Variants in DENND4A observed in about 807,000 individuals in gnomAD.
The protein encoded by DENND4A is DENN domain containing 4A, also known as C-myc promoter-binding protein.
A neutral mutation model predicts 199.3 loss-of-function variants in DENND4A; 70 were observed. The ratio of observed to expected loss-of-function variants is 0.35; its 90% CI spans 0.29 to 0.43. DENND4A has a LOEUF of 0.43. DENND4A is among the 20% of genes least tolerant of loss of function. The pLI is 1.00. For synonymous variants in DENND4A, 686 were observed against 766.9 expected (o/e 0.89, Z 1.74); for missense variants, 1,723 against 2,255.8 (o/e 0.76, Z 4.78).
At chr15:65,715,446 A>C in intron 14 of DENND4A, 32 bp downstream of exon 14, 1 of 1,570,450 alleles carries the variant, frequency 6.4e-7, no homozygotes, top group Non-Finnish European at 8.6e-7. Flanking sequence ...ACACAAAATA[A>C]GTTAGGGCAT....
chr15:65,738,413 T>C (rs751715987), intron 6 of DENND4A, among the ~76,000 whole-genome samples: 1 of 150,190 alleles, frequency 6.7e-6, no homozygotes, highest in African/African-American at 2.5e-5. Context: ...AATTGCATTA[T>C]ATATTTAATA....
intron 15 of DENND4A, among the ~76,000 whole-genome samples, chr15:65,704,071 G>A (rs1217204396): frequency 6.6e-6 from 1 of 152,132 alleles, no homozygotes; most frequent in Non-Finnish European, 1.5e-5. Context: ...TATTAGTAAT[G>A]ATTCAATGTT....
At chr15:65,766,541 C>T (rs1039136741) in intron 1 of DENND4A, 1 of 152,074 alleles carries the variant, frequency 6.6e-6, no homozygotes, top group East Asian at 1.9e-4. Flanking sequence ...TTGTGGGACA[C>T]GAAAGCTGCA....
At chr15:65,709,376 A>G (rs1331120170) in intron 14 of DENND4A, among the ~76,000 whole-genome samples, 1 of 152,166 alleles carries the variant, frequency 6.6e-6, no homozygotes, top group East Asian at 1.9e-4. Context: ...CAGGGATACA[A>G]TTAACCTCTG....
intron 1 of DENND4A, among the ~76,000 whole-genome samples, chr15:65,775,187 AT>A (rs201967237): frequency 0.035 from 5,257 of 152,054 alleles, 144 homozygotes; most frequent in Middle Eastern, 0.071. Flanking sequence ...CTACAAAAAA[AT>A]TTTTTTAATT....
intron 5 of DENND4A, among the ~76,000 whole-genome samples, chr15:65,739,692 T>C (rs935955027): frequency 9.2e-5 from 14 of 152,156 alleles, no homozygotes; most frequent in Non-Finnish European, 1.8e-4. Flanking sequence ...TTTGGACAAA[T>C]GACATACTAC....
At chr15:65,701,013 TA>T in intron 19 of DENND4A, 37 bp downstream of exon 19, 1 of 1,559,582 alleles carries the variant, frequency 6.4e-7, no homozygotes. Context: ...GCTAATCAAT[TA>T]ATTTTGAAGA....
Position 65,664,617 on chromosome 15 carries a change from C to T in DENND4A, c.5465G>A (p.Gly1822Glu). ...TGTCTCTAAAATCTGACTCATTGGT[C>T]CATAGACATCATTCATTTTAATGCT... Reference protein sequence around the residue: ...VKSIKMNDVYGPMSQILETLN... With the variant: ...VKSIKMNDVYEPMSQILETLN... Residue 1822 changes from glycine (G) to glutamate (E), a missense_variant, in exon 31 of 33, where the codon GGA becomes GAA. Gly to Glu is a moderately conservative substitution (Grantham distance 98, BLOSUM62 -2). This residue lies in a region of DENND4A where 164 missense variants were observed against 280.1 expected (regional missense o/e 0.59). Transcript: ENST00000443035. 3.1e-6 allele frequency: 5 copies of T among 1,612,914 alleles called. No individual in the cohort carries two copies. The highest frequency in any genetic ancestry group is 4.2e-6 in the Non-Finnish European group (5 of 1,179,198).
At chr15:65,750,729 C>CT (rs563776511) in intron 4 of DENND4A, among the ~76,000 whole-genome samples, 106 of 145,194 alleles carry the variant, frequency 7.3e-4, no homozygotes, top group South Asian at 2.8e-3. Flanking sequence ...GTATACATTC[C>CT]TTTTTTTTTT....
chr15:65,763,685 A>C (rs1024113047), intron 1 of DENND4A, among the ~76,000 whole-genome samples: 4 of 100,760 alleles, frequency 4.0e-5, no homozygotes, highest in African/African-American at 6.5e-5. Flanking sequence ...GTCTCAAAAA[A>C]AAAAAAAAAA....
At position 65,702,381 on chromosome 15, in the gene DENND4A, G is replaced by A. The variant is rs748274026; in HGVS notation, c.2354C>T (p.Ser785Leu). ...CLPAYVKVCH[S>L]KVRALKTAYD... ...TGCTGTTTTCAGAGCCCTGACTTTT[G>A]AATGACAGACTTTCACATAAGCTGG... The change falls in exon 17 of 33, where the codon TCA becomes TTA. Residue 785 changes from serine to leucine, a missense_variant. Ser to Leu is a moderately radical substitution (Grantham distance 145, BLOSUM62 -2). Transcript: ENST00000443035. 1.3e-6 allele frequency: 2 copies of A among 1,558,098 alleles called. No homozygotes were observed. The highest frequency in any genetic ancestry group is 1.7e-6 in the Non-Finnish European group (2 of 1,150,642).
In DENND4A at chr15:65,702,317, A is replaced by C. The variant is rs766904023; in HGVS notation, c.2418T>G (p.Asp806Glu). The change falls in exon 17 of 33, where the codon GAT becomes GAG. Residue 806 changes from aspartate to glutamate, a missense_variant. Asp to Glu is a conservative substitution (Grantham distance 45, BLOSUM62 2). This residue lies in a region of DENND4A where 725 missense variants were observed against 952.9 expected (regional missense o/e 0.76). Coordinates refer to ENST00000443035, the MANE Select transcript of DENND4A (RefSeq NM_001320835.1). Reference sequence around the variant, plus strand: ...AAATAATTGTTACCTCATCAGGTGGATCCATCTTCTTTGACTGCATTTTTT... The same window carrying C: ...AAATAATTGTTACCTCATCAGGTGGCTCCATCTTCTTTGACTGCATTTTTT... ...VLKKMQSKKMDPPDEVCYRIL... is the reference protein window; with the variant it reads ...VLKKMQSKKMEPPDEVCYRIL... 6.4e-6 allele frequency: 10 copies of C among 1,551,626 alleles called. No homozygotes were observed. The highest frequency in any genetic ancestry group is 8.7e-6 in the Non-Finnish European group (10 of 1,146,704).
In DENND4A at chr15:65,752,651, A is replaced by G. The variant is rs188054605; in HGVS notation, c.312-23T>C. On this transcript the variant is annotated intron_variant, in intron 3 of 32. Coordinates refer to ENST00000443035, the MANE Select transcript of DENND4A (RefSeq NM_001320835.1). ...ACCCTAAAAATAAATTTTTAAAAAT[A>G]AATACACAAAGCACTTTAAATATGA... The G allele has an allele frequency of 4.3e-4, 599 of 1,385,662 alleles. 6 individuals are homozygous for G. The East Asian group carries it at 0.014, about 33-fold the overall frequency. The allele number at this position is 1,385,662 out of a possible 1,614,324, so 85.8% of individuals were successfully genotyped here.
In DENND4A at chr15:65,741,770, T is replaced by C; in HGVS notation, c.576A>G (p.Val192=). 2 of 1,612,130 alleles carry C rather than the reference T, an allele frequency of 1.2e-6. No individual in the cohort carries two copies. Among genetic ancestry groups the C allele is most frequent in the South Asian group, 2.2e-5 (2 of 91,010 alleles). ...NLNNSMWGSA[V]YLCYKKSVAK... ...CCACCGATTTTTTATAACACAAGTA[T>C]ACTGCTGATCCCCACTGGATTTAAA... The change falls in exon 5 of 33, where the codon GTA becomes GTG. Residue 192 remains valine, a synonymous_variant. Coordinates refer to ENST00000443035, the MANE Select transcript of DENND4A (RefSeq NM_001320835.1).
chr15:65,683,075 T>C (rs1284727819), intron 23 of DENND4A, among the ~76,000 whole-genome samples: 3 of 152,174 alleles, frequency 2.0e-5, no homozygotes, highest in African/African-American at 4.8e-5. Flanking sequence ...AGACATGAAG[T>C]AAGCACACGC....
At chr15:65,744,112 A>G (rs1425144262) in intron 4 of DENND4A, among the ~76,000 whole-genome samples, 3 of 152,164 alleles carry the variant, frequency 2.0e-5, no homozygotes, top group African/African-American at 7.2e-5. Flanking sequence ...TAAGGGTAGC[A>G]ACAGTGGGAA....
intron 2 of DENND4A, 27 bp from the exon 3 acceptor site, chr15:65,756,499 T>G (rs966413114): frequency 1.3e-6 from 2 of 1,494,548 alleles, no homozygotes. Context: ...AGACTAGTAC[T>G]CCCCTATAAT....
chr15:65,714,038 C>T (rs1207561899), intron 14 of DENND4A, among the ~76,000 whole-genome samples: 5 of 152,062 alleles, frequency 3.3e-5, no homozygotes, highest in Non-Finnish European at 7.4e-5. Flanking sequence ...AGCAAATCTC[C>T]AATTCTATTC....
chr15:65,693,635 A>C (rs980042137), intron 22 of DENND4A, among the ~76,000 whole-genome samples: 8 of 150,976 alleles, frequency 5.3e-5, no homozygotes, highest in Non-Finnish European at 1.0e-4. Flanking sequence ...TCTGACTCCT[A>C]CCCTCATTTA....
Sources: gnomAD v4.1 joint callset for allele counts (sites outside exome capture counted in the v4.1 genomes callset) on GRCh38, gnomAD v4.1.1 for gene constraint, gnomAD v4.1.1 regional missense constraint, MANE v1.5 for transcripts, NCBI Gene and HGNC (gene_info 2026-07-23, HGNC 2026-07-21) for gene names.